LUC7L: variants seen among roughly 807,000 people sequenced by gnomAD.
LUC7L encodes the protein LUC7 like.
In LUC7L, 29 loss-of-function variants were observed where a neutral mutation model predicts 51.1. The ratio of observed to expected loss-of-function variants is 0.57; its 90% CI spans 0.42 to 0.77. The LOEUF is 0.77. Among genes scored for constraint, LUC7L ranks in the 30% least tolerant of loss-of-function variants. LUC7L has a pLI of 0.00. For synonymous variants in LUC7L, 181 were observed against 180.7 expected, an observed-to-expected ratio of 1.00 and a Z score of -0.01; for missense variants, 403 against 511.9, an observed-to-expected ratio of 0.79 and a Z score of 2.05.
intron 1 of LUC7L, chr16:228,941 A>G (rs2050195961): frequency 7.2e-7 from 1 of 1,394,748 alleles, no homozygotes. Flanking sequence ...CCTGGAGCCC[A>G]CGCTGATTCC....
chr16:226,692 T>G (rs527601455), intron 2 of LUC7L, among the ~76,000 whole-genome samples: 24 of 152,194 alleles, frequency 1.6e-4, no homozygotes, highest in Admixed American at 2.6e-4. Context: ...CGCAGAATCT[T>G]CAAAGAACTT....
intron 3 of LUC7L, 48 bp from the exon 4 acceptor site, chr16:208,236 A>G (rs369519868): frequency 7.3e-7 from 1 of 1,370,924 alleles, no homozygotes; most frequent in Non-Finnish European, 1.0e-6. Flanking sequence ...TGTAAAGCGT[A>G]AAGTCTTAGA....
At chr16:198,811 C>G (rs1482145115) in intron 6 of LUC7L, among the ~76,000 whole-genome samples, 2 of 151,922 alleles carry the variant, frequency 1.3e-5, no homozygotes, top group African/African-American at 4.8e-5. Context: ...CCCAGCCTCC[C>G]GAGTACCTAA....
chr16:216,534 C>G (rs1283602935), intron 3 of LUC7L, among the ~76,000 whole-genome samples: 4 of 151,976 alleles, frequency 2.6e-5, no homozygotes, highest in South Asian at 2.1e-4. Flanking sequence ...AGGTGCCCAC[C>G]ACCATGACCG....
intron 4 of LUC7L, 52 bp from the exon 5 acceptor site, chr16:206,199 C>A: frequency 1.9e-6 from 3 of 1,559,258 alleles, no homozygotes; most frequent in Non-Finnish European, 2.6e-6. Flanking sequence ...AAAGTGAATG[C>A]AAAGGCAACA....
intron 6 of LUC7L, among the ~76,000 whole-genome samples, chr16:197,626 G>A (rs1567175276): frequency 6.6e-6 from 1 of 152,174 alleles, no homozygotes; most frequent in Non-Finnish European, 1.5e-5. Context: ...CAAGACCAGT[G>A]GCCGAGAATA....
At chr16:204,058 A>T (rs996361558) in intron 5 of LUC7L, among the ~76,000 whole-genome samples, 5 of 152,160 alleles carry the variant, frequency 3.3e-5, no homozygotes, top group African/African-American at 1.2e-4. Context: ...ATGACCAATT[A>T]CACCAGCACC....
chr16:225,250 G>A (rs35232869), intron 2 of LUC7L, among the ~76,000 whole-genome samples: 35,428 of 151,818 alleles, frequency 0.23, 5,111 homozygotes, highest in East Asian at 0.38. Context: ...CACTTTGGGA[G>A]GCCAAGGTGG....
At chr16:198,978 C>A in intron 6 of LUC7L, 84 bp downstream of exon 6, 1 of 1,401,176 alleles carries the variant, frequency 7.1e-7, no homozygotes, top group Non-Finnish European at 9.6e-7. Flanking sequence ...CCACGCCCGG[C>A]CAAAACATAA....
intron 2 of LUC7L, among the ~76,000 whole-genome samples, chr16:226,034 GA>G (rs2050123770): frequency 6.6e-6 from 1 of 152,070 alleles, no homozygotes; most frequent in Non-Finnish European, 1.5e-5. Context: ...TTGACGAGTT[GA>G]AATCATTAAT....
At chr16:228,758 G>A (rs944366335) in intron 1 of LUC7L, 17 of 1,271,972 alleles carry the variant, frequency 1.3e-5, no homozygotes, top group African/African-American at 3.1e-5. Context: ...GGGGGAAGGG[G>A]GCAGCTGGAA....
At chr16:226,065 C>T (rs1047251411) in intron 2 of LUC7L, among the ~76,000 whole-genome samples, 2 of 152,140 alleles carry the variant, frequency 1.3e-5, no homozygotes, top group African/African-American at 4.8e-5. Flanking sequence ...CCTCGGTACA[C>T]ACAACAATCT....
At chr16:192,132 C>A (rs773912448) in intron 7 of LUC7L, among the ~76,000 whole-genome samples, 10 of 152,114 alleles carry the variant, frequency 6.6e-5, no homozygotes, top group Admixed American at 2.6e-4. Flanking sequence ...AACCAGGAGA[C>A]CAGCTTCATT....
intron 7 of LUC7L, 27 bp downstream of exon 7, chr16:192,900 C>G: frequency 6.3e-7 from 1 of 1,593,618 alleles, no homozygotes; most frequent in Non-Finnish European, 8.6e-7. Flanking sequence ...CCAATGCAGG[C>G]CATCCAGTGC....
intron 5 of LUC7L, among the ~76,000 whole-genome samples, chr16:203,102 C>T (rs923986687): frequency 5.9e-5 from 9 of 152,030 alleles, no homozygotes; most frequent in African/African-American, 1.9e-4. Flanking sequence ...AGCGAGCCAT[C>T]GCACCACCGC....
chr16:202,265 G>T (rs761457682), intron 5 of LUC7L, among the ~76,000 whole-genome samples: 12 of 152,068 alleles, frequency 7.9e-5, no homozygotes, highest in Non-Finnish European at 1.6e-4. Flanking sequence ...CAGAGAGAAG[G>T]ACCTAGGCTC....
At chr16:219,374 C>A (rs1463672359) in intron 3 of LUC7L, among the ~76,000 whole-genome samples, 2 of 151,854 alleles carry the variant, frequency 1.3e-5, no homozygotes, top group African/African-American at 4.8e-5. Flanking sequence ...GGTGACAGAG[C>A]AAGACTCTGT....
chr16:224,879 T>C (rs1368366971), intron 2 of LUC7L, among the ~76,000 whole-genome samples: 4 of 151,956 alleles, frequency 2.6e-5, no homozygotes, highest in South Asian at 2.1e-4. Flanking sequence ...TACTTTTCAA[T>C]GTGAGAGCTC....
rs763056180 is a variant in LUC7L, at chr16:229,254, C to T, written c.61+25G>A. 61 of 1,530,778 alleles carry T rather than the reference C, an allele frequency of 4.0e-5. 1 individual carries two copies. In the South Asian group the frequency reaches 7.0e-4, roughly 17 times the overall value. 94.8% of individuals were successfully genotyped at this position (1,530,778 alleles called of 1,614,324 possible). A position where few individuals can be genotyped will look rare whatever the true frequency, so the allele number is the denominator to read the frequency against. On this transcript the variant is annotated intron_variant, in intron 1 of 9. Transcript: ENST00000293872. ...TCGCCTCACTCCCACCCCAGACCCT[C>T]GCCTGGTTGGCCGCTCTGACTCACC...
Sources: allele counts gnomAD v4.1 joint callset (sites outside exome capture counted in the v4.1 genomes callset), GRCh38; gene constraint gnomAD v4.1.1; transcripts MANE v1.5; gene names NCBI Gene and HGNC (gene_info 2026-07-23, HGNC 2026-07-21).